Variants in SLC17A5 observed in about 807,000 individuals in gnomAD.
SLC17A5 encodes the protein sialin.
Under a neutral mutation model 59.4 loss-of-function variants are expected in SLC17A5, and 47 were observed. The observed-to-expected ratio is 0.79, with a 90% CI of 0.63 to 1.01. The LOEUF (loss-of-function observed/expected upper bound fraction) is 1.01. Ranked by LOEUF, SLC17A5 falls within the 50% of genes least tolerant of loss-of-function variation. SLC17A5 has a pLI of 0.00. For missense variants in SLC17A5, 522 were observed against 595.5 expected (o/e 0.88, Z 1.28); for synonymous variants, 202 against 210.7 (o/e 0.96, Z 0.36).
At chr6:73,632,784 T>C (rs995308516) in intron 6 of SLC17A5, among the ~76,000 whole-genome samples, 1 of 151,746 alleles carries the variant, frequency 6.6e-6, no homozygotes. Flanking sequence ...TCAAAAGTTT[T>C]ATCAGTTCTG....
At position 73,653,929 on chromosome 6, in the gene SLC17A5, G is replaced by A. The variant is rs944167466; in HGVS notation, c.-43C>T. 6.5e-7 allele frequency: 1 copy of A among 1,532,792 alleles called. No individual in the cohort carries two copies. Among genetic ancestry groups the A allele is most frequent in the African/African-American group, 1.4e-5 (1 of 72,776 alleles). The allele number at this position is 1,532,792 out of a possible 1,614,324, so 94.9% of individuals were successfully genotyped here. On this transcript the variant is annotated 5_prime_UTR_variant, in exon 1 of 11. Transcript: ENST00000355773. The stretch of plus-strand genomic sequence containing the variant: ...GTGTACTCGCCACCTGGCAGAGAAG[G>A]GAGCGCCGGCCCGACAGCCCGAAGC...
intron 6 of SLC17A5, among the ~76,000 whole-genome samples, chr6:73,627,289 A>T (rs1025528267): frequency 1.3e-5 from 2 of 151,812 alleles, no homozygotes; most frequent in African/African-American, 2.4e-5. Flanking sequence ...GTTGGCCAGG[A>T]TGGTCTCTAT....
At chr6:73,635,150 G>T in intron 6 of SLC17A5, 1 of 314,314 alleles carries the variant, frequency 3.2e-6, no homozygotes, top group Non-Finnish European at 5.8e-6. Flanking sequence ...TGTTGACTAG[G>T]CTAGTCTCCT....
Position 73,628,286 on chromosome 6 carries a change from C to T in SLC17A5, c.820-6324G>A, listed in dbSNP as rs180936208. Among the ~76,000 whole-genome samples, 232 of 152,064 alleles carry T rather than the reference C, an allele frequency of 1.5e-3. 1 individual carries two copies. Among genetic ancestry groups the T allele is most frequent in the African/African-American group, 5.2e-3 (214 of 41,504 alleles). On this transcript the variant is annotated intron_variant, in intron 6 of 10. Transcript: ENST00000355773. ...CTGCTGATAAAAGAAAATACATATGCGTGGCTGGGCGTGGTGGCTCACACC... is the reference window on the plus strand; with the variant it reads ...CTGCTGATAAAAGAAAATACATATGTGTGGCTGGGCGTGGTGGCTCACACC...
At chr6:73,596,618 A>T (rs935862398) in intron 10 of SLC17A5, among the ~76,000 whole-genome samples, 1 of 152,148 alleles carries the variant, frequency 6.6e-6, no homozygotes, top group Non-Finnish European at 1.5e-5. Context: ...GCACTTTGGG[A>T]GGCCGAGGCG....
At position 73,610,609 on chromosome 6, in the gene SLC17A5, T is replaced by C. The variant is rs1290174712; in HGVS notation, c.1112-62A>G. On this transcript the variant is annotated intron_variant, in intron 8 of 10. Transcript: ENST00000355773. ...AGCATTAATATTTGCTCTACCTTAA[T>C]ATGGTATAAATCTGAAATTTGAAAT... 1.9e-6 allele frequency: 3 copies of C among 1,579,336 alleles called. No individual in the cohort carries two copies. In the African/African-American group the frequency reaches 4.1e-5, roughly 21 times the overall value.
At chr6:73,643,279 G>C (rs1769374268) in intron 2 of SLC17A5, among the ~76,000 whole-genome samples, 1 of 149,114 alleles carries the variant, frequency 6.7e-6, no homozygotes, top group African/African-American at 2.5e-5. Flanking sequence ...CCCCGCTTCA[G>C]CCTCCCGAGT....
intron 1 of SLC17A5, among the ~76,000 whole-genome samples, chr6:73,648,696 G>A (rs534750456): frequency 2.0e-5 from 3 of 152,168 alleles, no homozygotes; most frequent in Non-Finnish European, 2.9e-5. Flanking sequence ...TACTATGTAC[G>A]TATATATAAA....
intron 6 of SLC17A5, among the ~76,000 whole-genome samples, chr6:73,623,281 C>T (rs779847603): frequency 8.6e-5 from 13 of 150,966 alleles, no homozygotes; most frequent in Admixed American, 2.0e-4. Context: ...TCAGGTGATC[C>T]ACCTGCCTTG....
At position 73,635,317 on chromosome 6, in the gene SLC17A5, T is replaced by G. The variant is rs980032385; in HGVS notation, c.819+65A>C. 23 of 882,054 alleles carry G rather than the reference T, an allele frequency of 2.6e-5. No homozygotes were observed. The Admixed American group carries it at 3.1e-4, about 12-fold the overall frequency. 54.6% of individuals were successfully genotyped at this position (882,054 alleles called of 1,614,324 possible). Reference sequence around the variant, plus strand: ...AATAGGAATATATATTTTTAAAAACTGATATCTTAATTCTGAAGAAAAAAA... The same window carrying G: ...AATAGGAATATATATTTTTAAAAACGGATATCTTAATTCTGAAGAAAAAAA... On this transcript the variant is annotated intron_variant, in intron 6 of 10. Transcript: ENST00000355773.
chr6:73,632,909 A>T (rs7764560), intron 6 of SLC17A5, among the ~76,000 whole-genome samples: 23,647 of 151,814 alleles, frequency 0.16, 3,029 homozygotes, highest in African/African-American at 0.32. Flanking sequence ...AATGTGTTAA[A>T]TTTTTTTTAC....
chr6:73,618,721 T>G (rs1767992640), intron 7 of SLC17A5: 1 of 221,384 alleles, frequency 4.5e-6, no homozygotes, highest in African/African-American at 2.4e-5. Flanking sequence ...CATCGTAGGG[T>G]TATTTATTTT....
At chr6:73,651,460 C>CAAAAAAAAAAA (rs538079302) in intron 1 of SLC17A5, among the ~76,000 whole-genome samples, 15 of 29,878 alleles carry the variant, frequency 5.0e-4, no homozygotes, top group South Asian at 1.7e-3. Flanking sequence ...AACTCCGTCT[C>CAAAAAAAAAAA]AAAAAAAAAA....
At position 73,653,964 on chromosome 6, in the gene SLC17A5, G is replaced by A. The variant is rs1462565829; in HGVS notation, c.-78C>T. The A allele has an allele frequency of 7.6e-7, 1 of 1,307,842 alleles. No homozygotes were observed. Among genetic ancestry groups the A allele is most frequent in the Non-Finnish European group, 1.1e-6 (1 of 930,814 alleles). 81.0% of individuals were successfully genotyped at this position (1,307,842 alleles called of 1,614,324 possible). The stretch of plus-strand genomic sequence containing the variant: ...CCCGACAGCCCGAAGCCCCCGGGCC[G>A]AGCTGGCTGGACCGGGCGGGGCGGG... On this transcript the variant is annotated 5_prime_UTR_variant, in exon 1 of 11. Coordinates refer to ENST00000355773, the MANE Select transcript of SLC17A5 (RefSeq NM_012434.5).
chr6:73,615,761 T>G (rs1767825379), intron 7 of SLC17A5, among the ~76,000 whole-genome samples: 1 of 152,036 alleles, frequency 6.6e-6, no homozygotes, highest in Non-Finnish European at 1.5e-5. Flanking sequence ...AGCCTATGGA[T>G]TCTCCCTACT....
chr6:73,653,480 C>T (rs1261362133), intron 1 of SLC17A5: 3 of 985,134 alleles, frequency 3.0e-6, no homozygotes, highest in African/African-American at 1.7e-5. Flanking sequence ...ACCAGCTCAG[C>T]GCCGGCTGCA....
intron 6 of SLC17A5, among the ~76,000 whole-genome samples, chr6:73,625,472 C>A (rs1348830704): frequency 6.6e-6 from 1 of 152,094 alleles, no homozygotes; most frequent in Non-Finnish European, 1.5e-5. Context: ...CAAGCGTGAG[C>A]CAGTGAGCCA....
chr6:73,601,120 T>C (rs1353754696), intron 9 of SLC17A5, among the ~76,000 whole-genome samples: 11 of 129,478 alleles, frequency 8.5e-5, no homozygotes, highest in South Asian at 2.8e-4. Flanking sequence ...CCGGCAGCCA[T>C]CCCATCTGGG....
chr6:73,632,434 C>CATTTTT (rs1768783205), intron 6 of SLC17A5, among the ~76,000 whole-genome samples: 4 of 86,766 alleles, frequency 4.6e-5, no homozygotes, highest in African/African-American at 1.6e-4. Flanking sequence ...GTAGAGAAAG[C>CATTTTT]TTTTTTTTTT....
Sources: gnomAD v4.1 joint callset for allele counts (sites outside exome capture counted in the v4.1 genomes callset) on GRCh38, gnomAD v4.1.1 for gene constraint, MANE v1.5 for transcripts, NCBI Gene and HGNC (gene_info 2026-07-23, HGNC 2026-07-21) for gene names.